TMEM11: variants seen among roughly 807,000 people sequenced by gnomAD.
The protein encoded by TMEM11 is transmembrane protein 11, mitochondrial.
In TMEM11, 1 loss-of-function variant was observed where a neutral mutation model predicts 17.0. The observed-to-expected ratio is 0.06, with a 90% CI of 0.02 to 0.28. The LOEUF (loss-of-function observed/expected upper bound fraction) is 0.28. Ranked by LOEUF, TMEM11 falls within the 10% of genes least tolerant of loss-of-function variation. TMEM11 has a pLI of 1.00. For synonymous variants in TMEM11, 122 were observed against 118.1 expected (o/e 1.03, Z -0.21); for missense variants, 172 against 252.9 (o/e 0.68, Z 2.17).
At chr17:21,199,796 A>G (rs983688089) in intron 1 of TMEM11, among the ~76,000 whole-genome samples, 2 of 152,124 alleles carry the variant, frequency 1.3e-5, no homozygotes, top group African/African-American at 2.4e-5. Flanking sequence ...AGGGGAGAAG[A>G]GGAGACCCAG....
At chr17:21,205,801 G>A (rs1482631283) in intron 1 of TMEM11, among the ~76,000 whole-genome samples, 1 of 151,492 alleles carries the variant, frequency 6.6e-6, no homozygotes, top group Non-Finnish European at 1.5e-5. Context: ...ATCATATATA[G>A]TATATGCCCT....
intron 1 of TMEM11, 33 bp downstream of exon 1, chr17:21,214,058 C>G (rs757898478): frequency 2.6e-5 from 41 of 1,596,626 alleles, no homozygotes; most frequent in Non-Finnish European, 3.4e-5. Flanking sequence ...GCTGAGCCGC[C>G]TGCACTGGGG....
At chr17:21,203,130 G>A (rs1974900557) in intron 1 of TMEM11, among the ~76,000 whole-genome samples, 2 of 152,210 alleles carry the variant, frequency 1.3e-5, no homozygotes, top group Non-Finnish European at 2.9e-5. Flanking sequence ...ACTGGGAAAG[G>A]ACAACACGTG....
At chr17:21,207,147 T>C (rs1974950703) in intron 1 of TMEM11, among the ~76,000 whole-genome samples, 1 of 152,208 alleles carries the variant, frequency 6.6e-6, no homozygotes, top group Admixed American at 6.5e-5. Context: ...TTGCATTATG[T>C]TTTTAAGGGC....
At chr17:21,203,685 T>C (rs905836892) in intron 1 of TMEM11, among the ~76,000 whole-genome samples, 1 of 85,526 alleles carries the variant, frequency 1.2e-5, no homozygotes, top group Non-Finnish European at 2.9e-5. Flanking sequence ...CCAGCCTGAA[T>C]GACAGAAAGA....
At chr17:21,201,939 A>G (rs1974887043) in intron 1 of TMEM11, among the ~76,000 whole-genome samples, 1 of 152,234 alleles carries the variant, frequency 6.6e-6, no homozygotes, top group African/African-American at 2.4e-5. Flanking sequence ...AGCCAGATGC[A>G]GCATTTTAGA....
Position 21,203,054 on chromosome 17 carries a change from C to T in TMEM11, c.63-4214G>A, listed in dbSNP as rs1422630980. Among the ~76,000 whole-genome samples, 12 of 152,338 alleles carry T rather than the reference C, an allele frequency of 7.9e-5. No homozygotes were observed. In the East Asian group the frequency reaches 1.7e-3, roughly 22 times the overall value. On this transcript the variant is annotated intron_variant, in intron 1 of 1. Coordinates refer to ENST00000317635, the MANE Select transcript of TMEM11 (RefSeq NM_003876.3). Reference sequence around the variant, plus strand: ...ACAAAGGCAGGGTCCTGCACAACGGCGCTGAGGCCAGAGGCTCACCAATTC... The same window carrying T: ...ACAAAGGCAGGGTCCTGCACAACGGTGCTGAGGCCAGAGGCTCACCAATTC...
chr17:21,210,915 A>G, intron 1 of TMEM11: 2 of 1,261,858 alleles, frequency 1.6e-6, no homozygotes, highest in South Asian at 1.3e-5. Context: ...CAGGAACTCA[A>G]GAGCACACAG....
At chr17:21,212,195 G>A (rs1282872163) in intron 1 of TMEM11, among the ~76,000 whole-genome samples, 1 of 152,190 alleles carries the variant, frequency 6.6e-6, no homozygotes, top group Non-Finnish European at 1.5e-5. Flanking sequence ...CGTTATCTAG[G>A]AGAGTAGATG....
rs760509180 is a variant in TMEM11, at chr17:21,198,801, C to G, written c.102G>C (p.Glu34Asp). 2 of 1,613,732 alleles carry G rather than the reference C, an allele frequency of 1.2e-6. No individual in the cohort carries two copies. The highest frequency in any genetic ancestry group is 2.2e-5 in the South Asian group (2 of 91,070). Reference sequence around the variant, plus strand: ...CTTGGGCATTCTCCCCATTGTAGATCTCATGCACAATGTAGCAGTCTGTGG... The same window carrying G: ...CTTGGGCATTCTCCCCATTGTAGATGTCATGCACAATGTAGCAGTCTGTGG... ...LSATDCYIVH[E>D]IYNGENAQDQ... The change falls in exon 2 of 2, where the codon GAG becomes GAC. Residue 34 changes from glutamate to aspartate, a missense_variant. By Grantham distance (45) the Glu-to-Asp change is conservative. Around this residue, in one of 2 missense-constraint regions of TMEM11, gnomAD observed 123 missense variants for 213.6 expected, o/e 0.58. Coordinates refer to ENST00000317635, the MANE Select transcript of TMEM11 (RefSeq NM_003876.3). The surrounding 1 kb of genome is among the most constrained non-coding windows in gnomAD (Gnocchi z 6.5).
intron 1 of TMEM11, among the ~76,000 whole-genome samples, chr17:21,207,716 C>T (rs555830946): frequency 3.3e-4 from 50 of 151,036 alleles, no homozygotes; most frequent in African/African-American, 9.5e-4. Flanking sequence ...GGTGAAACCC[C>T]GTCTCTACTA....
chr17:21,210,356 T>C (rs564771849), intron 1 of TMEM11, among the ~76,000 whole-genome samples: 37 of 152,312 alleles, frequency 2.4e-4, no homozygotes, highest in African/African-American at 8.4e-4. Flanking sequence ...GTTAAAGAGC[T>C]GAGCAGAATC....
chr17:21,198,879 A>AGT lies in TMEM11; in HGVS notation c.63-40_63-39insAC. On this transcript the variant is annotated intron_variant, in intron 1 of 1. Coordinates refer to ENST00000317635, the MANE Select transcript of TMEM11 (RefSeq NM_003876.3). The surrounding 1 kb of genome is among the most constrained non-coding windows in gnomAD (Gnocchi z 6.5). ...GGGCAGGAAAGGGAGAGAGAGAGAG[A>AGT]GACAGGATGATTAGGCTGAGGAGCA... The AGT allele has an allele frequency of 6.3e-7, 1 of 1,576,496 alleles. No homozygotes were observed. Among genetic ancestry groups the AGT allele is most frequent in the Non-Finnish European group, 8.6e-7 (1 of 1,160,576 alleles).
Position 21,198,128 on chromosome 17 carries a change from G to A in TMEM11, c.*196C>T. On this transcript the variant is annotated 3_prime_UTR_variant, in exon 2 of 2. Coordinates refer to ENST00000317635, the MANE Select transcript of TMEM11 (RefSeq NM_003876.3). This position sits in a 1 kb window ranked among gnomAD's most constrained non-coding sequence, Gnocchi z 6.5. ...TCCACAGCCTCAGACCCCCCTCTTG[G>A]GTTATGGAAATCCACATCTTAGTGT... 1.5e-6 allele frequency: 1 copy of A among 680,698 alleles called. No homozygotes were observed. The highest frequency in any genetic ancestry group is 2.1e-5 in the South Asian group (1 of 47,020). The allele number at this position is 680,698 out of a possible 1,614,324, so 42.2% of individuals were successfully genotyped here.
chr17:21,203,978 T>TAA (rs1974912677), intron 1 of TMEM11, among the ~76,000 whole-genome samples: 1 of 101,204 alleles, frequency 9.9e-6, no homozygotes, highest in African/African-American at 3.7e-5. Context: ...TTTTTTTTTT[T>TAA]AAATTATATG....
At chr17:21,202,137 G>C (rs1430613448) in intron 1 of TMEM11, among the ~76,000 whole-genome samples, 1 of 152,198 alleles carries the variant, frequency 6.6e-6, no homozygotes, top group African/African-American at 2.4e-5. Context: ...TCCTGGCCAA[G>C]AGAACTCCCT....
chr17:21,201,016 G>A (rs1403006676), intron 1 of TMEM11, among the ~76,000 whole-genome samples: 1 of 152,222 alleles, frequency 6.6e-6, no homozygotes, highest in Middle Eastern at 3.2e-3. Context: ...GAAACTTCAA[G>A]GAAAAAGAAC....
At chr17:21,210,067 G>C (rs1453590321) in intron 1 of TMEM11, among the ~76,000 whole-genome samples, 1 of 152,258 alleles carries the variant, frequency 6.6e-6, no homozygotes, top group East Asian at 1.9e-4. Flanking sequence ...TGAAGAACAG[G>C]TGCACACCGA....
At chr17:21,204,872 G>C (rs1338134436) in intron 1 of TMEM11, among the ~76,000 whole-genome samples, 1 of 152,092 alleles carries the variant, frequency 6.6e-6, no homozygotes, top group Non-Finnish European at 1.5e-5. Context: ...TTAGTGCTGG[G>C]AGCAGGGGTC....
Sources: allele counts gnomAD v4.1 joint callset (sites outside exome capture counted in the v4.1 genomes callset), GRCh38; gene constraint gnomAD v4.1.1; regional missense constraint gnomAD v4.1.1; non-coding constraint Gnocchi (gnomAD v3.1); transcripts MANE v1.5; gene names NCBI Gene and HGNC (gene_info 2026-07-23, HGNC 2026-07-21).